Variants in ATG7 observed in about 807,000 individuals in gnomAD.
ATG7 encodes autophagy related 7.
In ATG7, 70 loss-of-function variants were observed where a neutral mutation model predicts 82.4. That is an observed-to-expected ratio of 0.85 (90% CI 0.70 to 1.04). ATG7 has a LOEUF of 1.04. Among genes scored for constraint, ATG7 ranks in the 50% least tolerant of loss-of-function variants. ATG7 has a pLI of 0.00. For missense variants in ATG7, 792 were observed against 864.3 expected (o/e 0.92, Z 1.05); for synonymous variants, 287 against 313.0 (o/e 0.92, Z 0.88).
intron 14 of ATG7, among the ~76,000 whole-genome samples, chr3:11,358,082 T>G (rs1205627670): frequency 6.6e-6 from 1 of 151,810 alleles, no homozygotes; most frequent in Non-Finnish European, 1.5e-5. Context: ...TGATAAAGTT[T>G]CTTGGCCTTG....
At chr3:11,318,303 T>C (rs754743773) in intron 9 of ATG7, among the ~76,000 whole-genome samples, 1 of 152,212 alleles carries the variant, frequency 6.6e-6, no homozygotes, top group Admixed American at 6.5e-5. Context: ...GAGATACAGT[T>C]GTACTTGTTC....
chr3:11,573,289 AAG>A, the ATG7 span, among the ~76,000 whole-genome samples: 1 of 11,354 alleles, frequency 8.8e-5, no homozygotes, highest in Non-Finnish European at 1.4e-4. Flanking sequence ...GAAAGAAAGA[AAG>A]AAAGAAAGAA....
At chr3:11,558,488 TA>T (rs1267495333), downstream of ATG7, 14 of 1,483,558 alleles carry the variant, frequency 9.4e-6, no homozygotes, top group Middle Eastern at 1.8e-4. Context: ...TTTTTTTTTT[TA>T]AGTACTGACT....
chr3:11,347,508 C>T (rs555112661), intron 13 of ATG7, among the ~76,000 whole-genome samples: 14 of 152,058 alleles, frequency 9.2e-5, no homozygotes, highest in African/African-American at 3.4e-4. Flanking sequence ...CTTAATTATT[C>T]GTTAAGGGAA....
intron 15 of ATG7, among the ~76,000 whole-genome samples, chr3:11,359,446 A>C (rs2076147156): frequency 1.3e-5 from 2 of 152,184 alleles, no homozygotes; most frequent in South Asian, 4.1e-4. Flanking sequence ...ATGGTGGCTC[A>C]CATCTGTATC....
At chr3:11,544,368 G>A (rs1363053279) in intron 20 of ATG7, among the ~76,000 whole-genome samples, 2 of 152,210 alleles carry the variant, frequency 1.3e-5, no homozygotes, top group South Asian at 2.1e-4. Flanking sequence ...CCCCCCATCT[G>A]CAGAGCCCCA....
At chr3:11,480,050 C>T (rs2088747865) in intron 20 of ATG7, among the ~76,000 whole-genome samples, 1 of 152,016 alleles carries the variant, frequency 6.6e-6, no homozygotes, top group South Asian at 2.1e-4. Context: ...GCCTCAGCCT[C>T]CCAAGTAGCT....
chr3:11,438,270 C>T (rs1284556286), intron 20 of ATG7, among the ~76,000 whole-genome samples: 1 of 152,148 alleles, frequency 6.6e-6, no homozygotes, highest in African/African-American at 2.4e-5. Flanking sequence ...TCCCACCCAT[C>T]CTCCATCCAG....
chr3:11,509,199 C>G (rs1469867585), intron 20 of ATG7, among the ~76,000 whole-genome samples: 1 of 152,210 alleles, frequency 6.6e-6, no homozygotes, highest in East Asian at 1.9e-4. Flanking sequence ...ACATGGCCAA[C>G]AGCTTTTAGC....
intron 3 of ATG7, among the ~76,000 whole-genome samples, chr3:11,291,669 T>C (rs1434626148): frequency 6.6e-6 from 1 of 152,214 alleles, no homozygotes; most frequent in Non-Finnish European, 1.5e-5. Flanking sequence ...TGCTGTTATT[T>C]AAATAGTTTT....
intron 19 of ATG7, among the ~76,000 whole-genome samples, chr3:11,400,694 A>G (rs2079754529): frequency 6.6e-6 from 1 of 152,160 alleles, no homozygotes; most frequent in South Asian, 2.1e-4. Context: ...CTCAACAGCC[A>G]TGCAGATTGG....
intron 15 of ATG7, among the ~76,000 whole-genome samples, 179 bp downstream of exon 15, chr3:11,358,791 T>TAA (rs1448388541): frequency 6.6e-6 from 1 of 152,224 alleles, no homozygotes; most frequent in Non-Finnish European, 1.5e-5. Context: ...CCCAATGTAA[T>TAA]AAGTACCATT....
intron 19 of ATG7, among the ~76,000 whole-genome samples, chr3:11,393,561 T>C (rs1477458629): frequency 3.9e-5 from 6 of 152,234 alleles, no homozygotes; most frequent in Admixed American, 3.9e-4. Context: ...CAGCCATTCA[T>C]GAGTGACTTG....
At chr3:11,300,633 A>C (rs1946639655) in intron 5 of ATG7, among the ~76,000 whole-genome samples, 1 of 152,188 alleles carries the variant, frequency 6.6e-6, no homozygotes, top group East Asian at 1.9e-4. Context: ...CAGGTAGAGG[A>C]GAAAGAGAAT....
At chr3:11,471,775 T>A (rs2087569296) in intron 20 of ATG7, among the ~76,000 whole-genome samples, 1 of 138,106 alleles carries the variant, frequency 7.2e-6, no homozygotes, top group African/African-American at 2.7e-5. Context: ...ATGTAGTCTC[T>A]ATCGCCCAGG....
At chr3:11,275,041 G>GAT (rs1266981427) in intron 1 of ATG7, among the ~76,000 whole-genome samples, 2 of 152,012 alleles carry the variant, frequency 1.3e-5, no homozygotes, top group Non-Finnish European at 2.9e-5. Flanking sequence ...ACAGGATGAA[G>GAT]ATCTGGATGA....
intron 8 of ATG7, among the ~76,000 whole-genome samples, chr3:11,313,797 G>T (rs559559652): frequency 6.6e-6 from 1 of 152,182 alleles, no homozygotes; most frequent in African/African-American, 2.4e-5. Flanking sequence ...ATGGGGTTTT[G>T]CCATGTTGGC....
chr3:11,486,051 T>C (rs1325377507), intron 20 of ATG7, among the ~76,000 whole-genome samples: 1 of 152,200 alleles, frequency 6.6e-6, no homozygotes, highest in Non-Finnish European at 1.5e-5. Context: ...ATATGAACTT[T>C]TAAGTAGTTT....
intron 20 of ATG7, among the ~76,000 whole-genome samples, chr3:11,454,511 G>A (rs756570974): frequency 6.6e-5 from 10 of 152,336 alleles, no homozygotes; most frequent in Non-Finnish European, 1.3e-4. Context: ...ATGGAAGAGA[G>A]CTGAGCCTGG....
Sources: gnomAD v4.1 joint callset for allele counts (sites outside exome capture counted in the v4.1 genomes callset) on GRCh38, gnomAD v4.1.1 for gene constraint, MANE v1.5 for transcripts, NCBI Gene and HGNC (gene_info 2026-07-23, HGNC 2026-07-21) for gene names.